ROS1: variants seen among roughly 807,000 people sequenced by gnomAD.
The protein encoded by ROS1 is proto-oncogene tyrosine-protein kinase ROS.
Under a neutral mutation model 273.5 loss-of-function variants are expected in ROS1, and 263 were observed. The ratio of observed to expected loss-of-function variants is 0.96; its 90% CI spans 0.87 to 1.06. The LOEUF is 1.06. ROS1 is among the 50% of genes least tolerant of loss of function. The pLI is 0.00. For synonymous variants in ROS1, 1,008 were observed against 954.1 expected (o/e 1.06, Z -1.04); for missense variants, 2,833 against 2,751.1 (o/e 1.03, Z -0.67).
chr6:117,354,738 A>G (rs181287888), intron 26 of ROS1, among the ~76,000 whole-genome samples: 162 of 152,358 alleles, frequency 1.1e-3, no homozygotes, highest in African/African-American at 3.5e-3. Flanking sequence ...ATAATGGTCT[A>G]CTAGGTAATT....
At chr6:117,370,100 C>T (rs1170759849) in intron 18 of ROS1, among the ~76,000 whole-genome samples, 1 of 152,074 alleles carries the variant, frequency 6.6e-6, no homozygotes, top group East Asian at 1.9e-4. Context: ...TATACACATA[C>T]ATACACTCCT....
chr6:117,372,878 T>G (rs556717412), intron 18 of ROS1, among the ~76,000 whole-genome samples: 6 of 152,214 alleles, frequency 3.9e-5, no homozygotes, highest in Non-Finnish European at 8.8e-5. Context: ...GGCAGCCTGC[T>G]TTTATTCCCT....
At chr6:117,314,934 T>A (rs1285456373) in intron 39 of ROS1, among the ~76,000 whole-genome samples, 1 of 152,072 alleles carries the variant, frequency 6.6e-6, no homozygotes, top group African/African-American at 2.4e-5. Flanking sequence ...CCAAGAATAC[T>A]AAACATTTGA....
At chr6:117,379,340 A>C (rs577257937) in intron 17 of ROS1, among the ~76,000 whole-genome samples, 181 bp from the exon 18 acceptor site, 43 of 152,278 alleles carry the variant, frequency 2.8e-4, no homozygotes, top group Non-Finnish European at 5.6e-4. Context: ...TGTTATTTGG[A>C]TATAAACACT....
At chr6:117,390,476 C>T (rs1470836405) in intron 12 of ROS1, among the ~76,000 whole-genome samples, 2 of 152,166 alleles carry the variant, frequency 1.3e-5, no homozygotes, top group South Asian at 2.1e-4. Flanking sequence ...ATAGAAATCA[C>T]ATGGCTAAAT....
intron 9 of ROS1, 102 bp from the exon 10 acceptor site, chr6:117,394,840 C>G (rs929628902): frequency 9.6e-7 from 1 of 1,044,028 alleles, no homozygotes; most frequent in African/African-American, 1.6e-5. Flanking sequence ...GGGACTAGTG[C>G]TTGAAAGAGG....
intron 35 of ROS1, 49 bp downstream of exon 35, chr6:117,324,283 G>A (rs2128574663): frequency 1.2e-6 from 1 of 852,428 alleles, no homozygotes; most frequent in South Asian, 1.5e-5. Flanking sequence ...AATCAGGTAT[G>A]ATTAAGTAAA....
intron 43 of ROS1, among the ~76,000 whole-genome samples, chr6:117,289,711 C>T (rs1196427785): frequency 6.6e-6 from 1 of 152,160 alleles, no homozygotes; most frequent in East Asian, 1.9e-4. Context: ...ATCATTATAG[C>T]ATATTTCAAA....
intron 12 of ROS1, among the ~76,000 whole-genome samples, chr6:117,392,596 T>C (rs1338142039): frequency 6.6e-6 from 1 of 152,216 alleles, no homozygotes; most frequent in Non-Finnish European, 1.5e-5. Context: ...TGGGTAAGTA[T>C]TATTACCTTC....
At chr6:117,417,114 G>T (rs1396564782) in intron 2 of ROS1, among the ~76,000 whole-genome samples, 1 of 151,982 alleles carries the variant, frequency 6.6e-6, no homozygotes, top group East Asian at 1.9e-4. Flanking sequence ...ACTTCTAACT[G>T]CAGCTGAGGC....
chr6:117,367,128 G>A (rs1238082010), intron 18 of ROS1, among the ~76,000 whole-genome samples: 2 of 152,146 alleles, frequency 1.3e-5, no homozygotes, highest in Non-Finnish European at 2.9e-5. Flanking sequence ...GAAGGGCTTT[G>A]GGACCAATCA....
chr6:117,341,649 G>C lies in ROS1; in HGVS notation c.4652-17C>G. On this transcript the variant is annotated splice_polypyrimidine_tract_variant and intron_variant, in intron 29 of 43. Transcript: ENST00000368507. ...CCTCTGGTACTGAAATAAATAGCAAGGAATGATAAAGGATGCTGCAATAGC... is the reference window on the plus strand; with the variant it reads ...CCTCTGGTACTGAAATAAATAGCAACGAATGATAAAGGATGCTGCAATAGC... The C allele has an allele frequency of 6.3e-7, 1 of 1,582,932 alleles. No individual in the cohort carries two copies. Among genetic ancestry groups the C allele is most frequent in the Non-Finnish European group, 8.7e-7 (1 of 1,152,398 alleles).
chr6:117,378,164 A>G (rs1165253992), intron 18 of ROS1, among the ~76,000 whole-genome samples: 1 of 152,126 alleles, frequency 6.6e-6, no homozygotes, highest in Non-Finnish European at 1.5e-5. Flanking sequence ...CAGCAATTCT[A>G]CTCCTAGGTA....
At chr6:117,362,563 GC>G (rs1178096062) in intron 22 of ROS1, 39 bp downstream of exon 22, 22 of 1,574,208 alleles carry the variant, frequency 1.4e-5, no homozygotes, top group Middle Eastern at 1.7e-4. Flanking sequence ...CCACAATGCC[GC>G]TATTAAGACT....
At chr6:117,355,865 C>G (rs1268685467) in intron 26 of ROS1, among the ~76,000 whole-genome samples, 6 of 152,128 alleles carry the variant, frequency 3.9e-5, no homozygotes, top group Non-Finnish European at 5.9e-5. Flanking sequence ...CCCACCTCGG[C>G]CTTCCAAAGT....
chr6:117,366,280 T>C lies in ROS1; in HGVS notation c.2593A>G (p.Thr865Ala), dbSNP rs922898650. 3 of 1,613,790 alleles carry C rather than the reference T, an allele frequency of 1.9e-6. No homozygotes were observed. Among genetic ancestry groups the C allele is most frequent in the Non-Finnish European group, 1.7e-6 (2 of 1,179,748 alleles). Reference sequence around the variant, plus strand: ...CAGGCTGCAAATTCTGTGATGGTGGTATCCCCAGTGCTGCTAAAACATAAC... The same window carrying C: ...CAGGCTGCAAATTCTGTGATGGTGGCATCCCCAGTGCTGCTAAAACATAAC... The part of the protein sequence containing the change: ...AVLRGQSTGD[T>A]TITEFAAWST... Residue 865 changes from threonine to alanine, a missense_variant, in exon 19 of 44, where the codon ACC (threonine) becomes GCC (alanine). Transcript: ENST00000368507.
At chr6:117,414,590 A>G in intron 3 of ROS1, 45 bp from the exon 4 acceptor site, 1 of 720,848 alleles carries the variant, frequency 1.4e-6, no homozygotes. Context: ...TGAAAGTTGT[A>G]AATAATTTTA....
rs765279582 is a variant in ROS1, at chr6:117,341,311, C to A, written c.4885G>T (p.Val1629Phe). The A allele has an allele frequency of 3.7e-6, 6 of 1,612,186 alleles. No homozygotes were observed. Among genetic ancestry groups the A allele is most frequent in the Non-Finnish European group, 5.1e-6 (6 of 1,179,318 alleles). The change falls in exon 31 of 44, where the codon GTT becomes TTT. Residue 1629 changes from valine to phenylalanine, a missense_variant and splice_region_variant. Val to Phe is a conservative substitution (Grantham distance 50). Transcript: ENST00000368507. ...ATTTCCTCAGAGTGGCAGGCAAGAA[C>A]CTTTTGGTAAAAAAGAACAATTGCT... ...LSGGNIYVLK[V>F]LACHSEEMWC...
At chr6:117,392,350 A>ATT (rs566533958) in intron 12 of ROS1, among the ~76,000 whole-genome samples, 1 of 150,090 alleles carries the variant, frequency 6.7e-6, no homozygotes, top group African/African-American at 2.4e-5. Context: ...TATGAGCTGT[A>ATT]TTTTTTTTTT....
Sources: allele counts gnomAD v4.1 joint callset (sites outside exome capture counted in the v4.1 genomes callset), GRCh38; gene constraint gnomAD v4.1.1; transcripts MANE v1.5; gene names NCBI Gene and HGNC (gene_info 2026-07-23, HGNC 2026-07-21).